FKBP5: variants seen among roughly 807,000 people sequenced by gnomAD.
FKBP5 encodes the protein peptidyl-prolyl cis-trans isomerase FKBP5.
Under a neutral mutation model 50.5 loss-of-function variants are expected in FKBP5, and 23 were observed. That is an observed-to-expected ratio of 0.46 (90% CI 0.33 to 0.65). FKBP5 has a LOEUF of 0.65. Ranked by LOEUF, FKBP5 falls within the 30% of genes least tolerant of loss-of-function variation. The pLI, the probability that FKBP5 is intolerant of heterozygous loss-of-function variation, is 0.02. For synonymous variants in FKBP5, 176 were observed against 190.6 expected (o/e 0.92, Z 0.63); for missense variants, 411 against 553.1 (o/e 0.74, Z 2.58).
intron 5 of FKBP5, among the ~76,000 whole-genome samples, chr6:35,609,025 T>C (rs982130945): frequency 3.3e-5 from 5 of 152,194 alleles, no homozygotes; most frequent in Admixed American, 2.0e-4. Context: ...CTTGAACTCC[T>C]GGCCTCAAGT....
chr6:35,600,400 AGAGT>A (rs1763110069), intron 5 of FKBP5, among the ~76,000 whole-genome samples: 1 of 152,028 alleles, frequency 6.6e-6, no homozygotes, highest in African/African-American at 2.4e-5. Context: ...CCTGGGTGAC[AGAGT>A]GAGACCGTCT....
intron 1 of FKBP5, among the ~76,000 whole-genome samples, chr6:35,665,859 G>A (rs1239835704): frequency 1.3e-5 from 2 of 152,082 alleles, no homozygotes; most frequent in African/African-American, 4.8e-5. Flanking sequence ...CAACTATTCT[G>A]CTTTTTCACT....
At chr6:35,671,939 G>A (rs186996800) in intron 1 of FKBP5, among the ~76,000 whole-genome samples, 253 of 152,074 alleles carry the variant, frequency 1.7e-3, no homozygotes, top group Admixed American at 2.6e-3. Flanking sequence ...CGCGATCTCG[G>A]CTCACTGCAA....
chr6:35,693,054 GCTCA>G (rs1230945043), upstream of FKBP5, among the ~76,000 whole-genome samples: 25 of 111,400 alleles, frequency 2.2e-4, 1 homozygote, highest in Admixed American at 2.7e-3. Context: ...TCTATTTTCA[GCTCA>G]CTCAGTCTCT....
At chr6:35,655,844 T>A (rs1764930472) in intron 1 of FKBP5, among the ~76,000 whole-genome samples, 1 of 152,220 alleles carries the variant, frequency 6.6e-6, no homozygotes, top group African/African-American at 2.4e-5. Context: ...TAAGAACACC[T>A]AAGCATAATT....
chr6:35,590,937 G>A (rs1271570926), intron 7 of FKBP5, among the ~76,000 whole-genome samples, 193 bp downstream of exon 7: 1 of 151,048 alleles, frequency 6.6e-6, no homozygotes, highest in Non-Finnish European at 1.5e-5. Flanking sequence ...AGAACACGGA[G>A]CTCCTTCGTT....
At chr6:35,691,455 C>T (rs1398663522), upstream of FKBP5, among the ~76,000 whole-genome samples, 1 of 152,140 alleles carries the variant, frequency 6.6e-6, no homozygotes, top group Non-Finnish European at 1.5e-5. Context: ...GCTGTGTGGA[C>T]GTGTCACATG....
chr6:35,690,510 A>G (rs1261007761), upstream of FKBP5, among the ~76,000 whole-genome samples: 2 of 151,958 alleles, frequency 1.3e-5, no homozygotes, highest in Non-Finnish European at 2.9e-5. Flanking sequence ...AGACAAATAA[A>G]GCCAAGACTG....
intron 8 of FKBP5, chr6:35,582,601 TAC>T: frequency 1.1e-6 from 1 of 929,164 alleles, no homozygotes; most frequent in Non-Finnish European, 1.3e-6. Flanking sequence ...ATCTGGGACT[TAC>T]AGTCTCCAGA....
Position 35,575,502 on chromosome 6 carries a change from C to T in FKBP5, c.*333G>A, listed in dbSNP as rs1418315721. 1 of 241,502 alleles carries T rather than the reference C, an allele frequency of 4.1e-6. No homozygotes were observed. Among genetic ancestry groups the T allele is most frequent in the African/African-American group, 2.2e-5 (1 of 45,646 alleles). 15.0% of individuals were successfully genotyped at this position (241,502 alleles called of 1,614,324 possible). A position where few individuals can be genotyped will look rare whatever the true frequency, so the allele number is the denominator to read the frequency against. ...GTTCAAAGGTAAAACCTAACAGCCC[C>T]ACATTGTTAGGATGATCTCCAGGGA... is the stretch of plus-strand genomic sequence containing the variant. On this transcript the variant is annotated 3_prime_UTR_variant, in exon 11 of 11. Coordinates refer to ENST00000357266, the MANE Select transcript of FKBP5 (RefSeq NM_004117.4).
chr6:35,722,056 C>T (rs1470013635), intron 1 of FKBP5, among the ~76,000 whole-genome samples: 2 of 152,052 alleles, frequency 1.3e-5, no homozygotes, highest in African/African-American at 4.8e-5. Flanking sequence ...TCAAATATAA[C>T]CTTCCTCATA....
Position 35,650,273 on chromosome 6 carries a change from C to T in FKBP5, c.-19-7430G>A, listed in dbSNP as rs2150993632. On this transcript the variant is annotated intron_variant, in intron 1 of 10. Transcript: ENST00000357266. Reference sequence around the variant, plus strand: ...CCATGGTTGCACCACTGCACTGCAGCCTGGGCAACAGAGCAAGATATTGTC... The same window carrying T: ...CCATGGTTGCACCACTGCACTGCAGTCTGGGCAACAGAGCAAGATATTGTC... 1.4e-5 allele frequency among the ~76,000 whole-genome samples: 2 copies of T among 145,254 alleles called. 1 individual carries two copies. Among genetic ancestry groups the T allele is most frequent in the South Asian group, 4.4e-4 (2 of 4,566 alleles).
At chr6:35,642,131 T>G (rs1278451999) in intron 2 of FKBP5, among the ~76,000 whole-genome samples, 5 of 152,200 alleles carry the variant, frequency 3.3e-5, no homozygotes, top group African/African-American at 1.2e-4. Flanking sequence ...AAGGATACAT[T>G]AAAATAGTAA....
At chr6:35,719,026 C>G (rs907535842) in intron 2 of FKBP5, among the ~76,000 whole-genome samples, 29 of 152,180 alleles carry the variant, frequency 1.9e-4, no homozygotes, top group African/African-American at 7.0e-4. Flanking sequence ...TGAGCCACAG[C>G]TGGCCCTCCC....
intron 5 of FKBP5, among the ~76,000 whole-genome samples, chr6:35,602,448 G>A (rs1208597056): frequency 6.6e-6 from 1 of 151,888 alleles, no homozygotes; most frequent in Non-Finnish European, 1.5e-5. Context: ...ATTACTACTC[G>A]ACAAGACTGG....
At chr6:35,669,577 G>T (rs1412632190) in intron 1 of FKBP5, among the ~76,000 whole-genome samples, 1 of 152,102 alleles carries the variant, frequency 6.6e-6, no homozygotes, top group Non-Finnish European at 1.5e-5. Context: ...AGTGGCTACA[G>T]CTCTAGAGGC....
At chr6:35,705,238 ATATATATATATATATATATATTTTTT>A in intron 2 of FKBP5, among the ~76,000 whole-genome samples, 1 of 34,734 alleles carries the variant, frequency 2.9e-5, no homozygotes, top group Non-Finnish European at 5.5e-5. Flanking sequence ...ATATATATAT[ATATATATATATATATATATATTTTTT>A]TTTTTTTTTT....
At position 35,574,714 on chromosome 6, in the gene FKBP5, T is replaced by C. The variant is rs1036285978; in HGVS notation, c.*1121A>G. On this transcript the variant is annotated 3_prime_UTR_variant, in exon 11 of 11. Transcript: ENST00000357266. ...ATTTGTCAACCCTACAGATTTTGTT[T>C]TTAAAAATTAAGCTTAGTACTAAAA... The C allele has an allele frequency of 6.6e-6, 1 of 152,642 alleles. No individual in the cohort carries two copies. Among genetic ancestry groups the C allele is most frequent in the Non-Finnish European group, 1.5e-5 (1 of 68,040 alleles). The allele number at this position is 152,642 out of a possible 1,614,324, so 9.5% of individuals were successfully genotyped here. A position where few individuals can be genotyped will look rare whatever the true frequency, so the allele number is the denominator to read the frequency against.
chr6:35,678,075 T>A (rs778751532), intron 1 of FKBP5, among the ~76,000 whole-genome samples: 8 of 152,094 alleles, frequency 5.3e-5, no homozygotes, highest in Non-Finnish European at 1.2e-4. Flanking sequence ...TTAGGACAAG[T>A]GTAGTGAAAA....
Sources: allele counts gnomAD v4.1 joint callset (sites outside exome capture counted in the v4.1 genomes callset), GRCh38; gene constraint gnomAD v4.1.1; transcripts MANE v1.5; gene names NCBI Gene and HGNC (gene_info 2026-07-23, HGNC 2026-07-21).